DNAAF4: variants seen among roughly 807,000 people sequenced by gnomAD.
The protein encoded by DNAAF4 is dynein axonemal assembly factor 4.
In DNAAF4, 43 loss-of-function variants were observed where a neutral mutation model predicts 51.8. The ratio of observed to expected loss-of-function variants is 0.83; its 90% CI spans 0.65 to 1.07. DNAAF4 has a LOEUF of 1.07. Among genes scored for constraint, DNAAF4 ranks in the 50% least tolerant of loss-of-function variants. The probability of loss-of-function intolerance (pLI) is 0.00; values close to 1 mark genes in which losing one functional copy is unlikely to be tolerated. For missense variants in DNAAF4, 581 were observed against 493.0 expected (o/e 1.18, Z -1.69); for synonymous variants, 194 against 165.6 (o/e 1.17, Z -1.32).
intron 7 of DNAAF4, among the ~76,000 whole-genome samples, chr15:55,421,569 A>T (rs2057388228): frequency 6.6e-6 from 1 of 152,076 alleles, no homozygotes; most frequent in Admixed American, 6.6e-5. Flanking sequence ...TTCATTATAT[A>T]CACAGTCATT....
chr15:55,496,743 C>CT (rs35358181), intron 3 of DNAAF4, among the ~76,000 whole-genome samples: 4,275 of 147,694 alleles, frequency 0.029, 95 homozygotes, highest in African/African-American at 0.061. Flanking sequence ...GCTCATAAGC[C>CT]TTTTTTTTTT....
In DNAAF4 at chr15:55,432,536, G is replaced by C; in HGVS notation, c.1114C>G (p.Arg372Gly). 2 of 1,612,160 alleles carry C rather than the reference G, an allele frequency of 1.2e-6. No homozygotes were observed. Among genetic ancestry groups the C allele is most frequent in the Non-Finnish European group, 1.7e-6 (2 of 1,178,808 alleles). The change falls in exon 9 of 10, where the codon CGT (arginine) becomes GGT (glycine). Residue 372 changes from arginine (R) to glycine (G), a missense_variant. Coordinates refer to ENST00000321149, the MANE Select transcript of DNAAF4 (RefSeq NM_130810.4). ...TCTAGTTGACAGAATGCTGTTCCAC[G>C]TCGTACATGTGCCTTCATTCTTGCA... Reference protein sequence around the residue: ...ANARMKAHVRRGTAFCQLELY... With the variant: ...ANARMKAHVRGGTAFCQLELY...
rs2057673011 is a variant in DNAAF4, at chr15:55,439,538, T to C, written c.827A>G (p.Asp276Gly). 6.2e-7 allele frequency: 1 copy of C among 1,614,150 alleles called. No individual in the cohort carries two copies. The highest frequency in any genetic ancestry group is 1.6e-4 in the Middle Eastern group (1 of 6,062). Reference protein sequence around the residue: ...QAEARRAMNTDIAELCDLKEE... With the variant: ...QAEARRAMNTGIAELCDLKEE... Reference sequence around the variant, plus strand: ...TTTTAAATCGCAAAGTTCAGCTATGTCAGTATTCATTGCTCTTCGTGCCTC... The same window carrying C: ...TTTTAAATCGCAAAGTTCAGCTATGCCAGTATTCATTGCTCTTCGTGCCTC... Residue 276 changes from aspartate (D) to glycine (G), a missense_variant, in exon 7 of 10, where the codon GAC becomes GGC. Coordinates refer to ENST00000321149, the MANE Select transcript of DNAAF4 (RefSeq NM_130810.4).
At chr15:55,434,759 TA>T (rs549863400) in intron 8 of DNAAF4, 145 bp downstream of exon 8, 30,705 of 598,970 alleles carry the variant, frequency 0.051, 3 homozygotes, top group Middle Eastern at 0.067. Flanking sequence ...AAAAATCAGT[TA>T]AAAAAAAAAA....
At chr15:55,475,023 T>G (rs2058317668) in intron 4 of DNAAF4, among the ~76,000 whole-genome samples, 1 of 151,874 alleles carries the variant, frequency 6.6e-6, no homozygotes, top group South Asian at 2.1e-4. Flanking sequence ...AAGTCATATA[T>G]GTGTGTTAAA....
At chr15:55,477,612 A>C (rs1423591354) in intron 4 of DNAAF4, among the ~76,000 whole-genome samples, 1 of 151,992 alleles carries the variant, frequency 6.6e-6, no homozygotes, top group Non-Finnish European at 1.5e-5. Context: ...AATTTTAAAA[A>C]TATTTAAAAA....
chr15:55,462,998 C>T (rs2058115282), intron 5 of DNAAF4, among the ~76,000 whole-genome samples: 1 of 152,078 alleles, frequency 6.6e-6, no homozygotes, highest in Admixed American at 6.6e-5. Flanking sequence ...ATGGCGAAAC[C>T]CTGTCTCTAC....
intron 4 of DNAAF4, among the ~76,000 whole-genome samples, chr15:55,486,996 G>A (rs1444188313): frequency 4.6e-5 from 7 of 152,074 alleles, no homozygotes; most frequent in Non-Finnish European, 8.8e-5. Context: ...GCCAGAACGA[G>A]CTTTCTAAAA....
intron 1 of DNAAF4, among the ~76,000 whole-genome samples, chr15:55,500,447 C>T (rs920995798): frequency 7.9e-5 from 12 of 152,248 alleles, no homozygotes; most frequent in African/African-American, 2.6e-4. Flanking sequence ...ACATTATCTT[C>T]TAAAGACAGG....
chr15:55,430,619 C>A lies in DNAAF4; in HGVS notation c.*51G>T. 11 of 1,585,222 alleles carry A rather than the reference C, an allele frequency of 6.9e-6. No individual in the cohort carries two copies. Among genetic ancestry groups the A allele is most frequent in the Non-Finnish European group, 9.4e-6 (11 of 1,166,634 alleles). On this transcript the variant is annotated 3_prime_UTR_variant, in exon 10 of 10. Transcript: ENST00000321149. ...GGCCATAATATGTACAAAGATGCCT[C>A]CAGTTGTTTTTAAAAAACTTATAAC...
chr15:55,442,716 A>G, intron 6 of DNAAF4: 4 of 1,507,556 alleles, frequency 2.7e-6, no homozygotes, highest in Admixed American at 1.7e-5. Flanking sequence ...CACTCTGAAC[A>G]TTACTGGAAA....
At chr15:55,486,053 A>G (rs1439711205) in intron 4 of DNAAF4, among the ~76,000 whole-genome samples, 6 of 151,768 alleles carry the variant, frequency 4.0e-5, no homozygotes, top group African/African-American at 1.5e-4. Context: ...GAGGAAAAAA[A>G]AGCACATTTT....
In DNAAF4 at chr15:55,498,554, G is replaced by A. The variant is rs1262866343; in HGVS notation, c.-225C>T. The A allele has an allele frequency of 2.6e-6, 1 of 388,342 alleles. No homozygotes were observed. Among genetic ancestry groups the A allele is most frequent in the Non-Finnish European group, 4.5e-6 (1 of 223,182 alleles). The allele number at this position is 388,342 out of a possible 1,614,324, so 24.1% of individuals were successfully genotyped here. A position where few individuals can be genotyped will look rare whatever the true frequency, so the allele number is the denominator to read the frequency against. On this transcript the variant is annotated 5_prime_UTR_variant, in exon 2 of 10. Coordinates refer to ENST00000321149, the MANE Select transcript of DNAAF4 (RefSeq NM_130810.4). ...TTCTTGGGGTTACCTTACGATCTGA[G>A]CGAATGTTCAAAGAAGTAGACCCAT...
intron 6 of DNAAF4, among the ~76,000 whole-genome samples, chr15:55,444,025 T>C (rs1250574744): frequency 6.6e-6 from 1 of 152,214 alleles, no homozygotes; most frequent in Non-Finnish European, 1.5e-5. Context: ...TTTCTTTTGC[T>C]GTGCAGAGGC....
At chr15:55,433,219 G>T (rs2057524402) in intron 8 of DNAAF4, among the ~76,000 whole-genome samples, 1 of 152,124 alleles carries the variant, frequency 6.6e-6, no homozygotes, top group South Asian at 2.1e-4. Flanking sequence ...AGAATCACTT[G>T]AATCCGGGAG....
chr15:55,492,149 G>A (rs917639309), intron 3 of DNAAF4, among the ~76,000 whole-genome samples: 5 of 151,904 alleles, frequency 3.3e-5, no homozygotes, highest in Admixed American at 1.3e-4. Flanking sequence ...GAGCCACCAC[G>A]CAAGATCTCA....
At chr15:55,471,438 C>T (rs1307627449) in intron 4 of DNAAF4, among the ~76,000 whole-genome samples, 1 of 151,992 alleles carries the variant, frequency 6.6e-6, no homozygotes, top group Non-Finnish European at 1.5e-5. Flanking sequence ...GTTTTAGGAG[C>T]TCTATGCTAA....
chr15:55,428,484 C>CTTTTTTTTTTTTTTT (rs747325376), downstream of DNAAF4, among the ~76,000 whole-genome samples: 18 of 85,082 alleles, frequency 2.1e-4, no homozygotes, highest in Non-Finnish European at 2.3e-4. Context: ...TCTTTTTTTT[C>CTTTTTTTTTTTTTTT]TTTTTTTTTT....
At position 55,435,043 on chromosome 15, in the gene DNAAF4, C is replaced by CAA; in HGVS notation, c.908_909insTT (p.Glu304TrpfsTer13). On this transcript the variant is annotated frameshift_variant, in exon 8 of 10. Transcript: ENST00000321149. LOFTEE classifies it high-confidence loss of function. ...CATTGATAGCTGCCAAATAGTTTTC[C>CAA]GTTGCAAACAATTTGCTAATGAGAC... The CAA allele has an allele frequency of 6.3e-7, 1 of 1,586,904 alleles. No homozygotes were observed. Among genetic ancestry groups the CAA allele is most frequent in the Non-Finnish European group, 8.5e-7 (1 of 1,171,512 alleles).
Sources: allele counts gnomAD v4.1 joint callset (sites outside exome capture counted in the v4.1 genomes callset), GRCh38; gene constraint gnomAD v4.1.1; transcripts MANE v1.5; gene names NCBI Gene and HGNC (gene_info 2026-07-23, HGNC 2026-07-21).